Variants in RREB1 observed in about 807,000 individuals in gnomAD.
The protein encoded by RREB1 is ras responsive element binding protein 1, also known as ras-responsive element-binding protein 1.
RREB1 carries 27 observed loss-of-function variants against 117.8 expected under a neutral mutation model. That is an observed-to-expected ratio of 0.23 (90% CI 0.17 to 0.32). RREB1 has a LOEUF of 0.32. Among genes scored for constraint, RREB1 ranks in the 10% least tolerant of loss-of-function variants. The pLI, the probability that RREB1 is intolerant of heterozygous loss-of-function variation, is 1.00. For missense variants in RREB1, 2,577 were observed against 2,378.2 expected, an observed-to-expected ratio of 1.08 and a Z score of -1.74; for synonymous variants, 1,298 against 1,026.7, an observed-to-expected ratio of 1.26 and a Z score of -5.05.
intron 8 of RREB1, chr6:7,218,817 A>G (rs1446683367): frequency 7.3e-6 from 1 of 137,368 alleles, no homozygotes; most frequent in East Asian, 2.2e-4. Flanking sequence ...GAATTGTGCA[A>G]CTTTCTTTAA....
At chr6:7,189,420 T>C in intron 6 of RREB1, 98 bp downstream of exon 6, 1 of 1,139,772 alleles carries the variant, frequency 8.8e-7, no homozygotes, top group South Asian at 1.6e-5. Flanking sequence ...TGCCTAAAGG[T>C]ACAGAGAGTT....
intron 8 of RREB1, chr6:7,219,145 C>T (rs1213202298): frequency 7.1e-6 from 1 of 141,426 alleles, no homozygotes; most frequent in Non-Finnish European, 1.5e-5. Context: ...TGTCTCAGGC[C>T]TGTAATCCCA....
intron 1 of RREB1, among the ~76,000 whole-genome samples, chr6:7,167,023 T>G (rs1334877869): frequency 6.6e-6 from 1 of 152,196 alleles, no homozygotes; most frequent in African/African-American, 2.4e-5. Flanking sequence ...CCCAGAACAC[T>G]CCCATTTCTA....
At position 7,230,713 on chromosome 6, in the gene RREB1, AGGG is replaced by A. The variant is rs1767889064; in HGVS notation, c.2616_2618del (p.Arg872_Gly873delinsSer). ...GGAACCCCAGAACGGCTTTCTTCAC[AGGG>A]GCCCCACCCAGCCTCCACCTCCCCA... On this transcript the variant is annotated inframe_deletion, in exon 10 of 13. Coordinates refer to ENST00000379938, the MANE Select transcript of RREB1 (RefSeq NM_001003699.4). 6.3e-7 allele frequency: 1 copy of A among 1,595,924 alleles called. No homozygotes were observed. Among genetic ancestry groups the A allele is most frequent in the Admixed American group, 1.7e-5 (1 of 58,202 alleles).
Position 7,230,424 on chromosome 6 carries a change from C to G in RREB1, c.2325C>G (p.His775Gln). The change falls in exon 10 of 13, where the codon CAC becomes CAG. Residue 775 changes from histidine to glutamine, a missense_variant. His to Gln is a conservative substitution (Grantham distance 24). Coordinates refer to ENST00000379938, the MANE Select transcript of RREB1 (RefSeq NM_001003699.4). ...YRALRIHMRT[H>Q]CGRGLGGGHK... ...CCCTGCGCATCCACATGCGCACGCA[C>G]TGCGGCCGCGGCCTGGGCGGGGGCC... 3.1e-6 allele frequency: 5 copies of G among 1,591,106 alleles called. No homozygotes were observed. The highest frequency in any genetic ancestry group is 4.3e-6 in the Non-Finnish European group (5 of 1,174,602).
At chr6:7,142,840 T>G (rs1762676083) in intron 1 of RREB1, among the ~76,000 whole-genome samples, 1 of 152,204 alleles carries the variant, frequency 6.6e-6, no homozygotes, top group South Asian at 2.1e-4. Context: ...GTCGCTTTTC[T>G]CTTAATAGTG....
intron 1 of RREB1, among the ~76,000 whole-genome samples, chr6:7,124,454 T>C (rs1405240232): frequency 6.6e-6 from 1 of 152,188 alleles, no homozygotes; most frequent in Admixed American, 6.5e-5. Context: ...AGTCTCATGG[T>C]AGCTAGCATT....
chr6:7,210,672 C>G (rs1161682056), intron 6 of RREB1, 132 bp from the exon 7 acceptor site: 2 of 667,446 alleles, frequency 3.0e-6, no homozygotes, highest in African/African-American at 3.6e-5. Context: ...ATAGAAGTCA[C>G]TGTATAAATT....
rs79601563 is a variant in RREB1 at position 7,156,255 on chromosome 6, C to G, written c.-284-20400C>G. ...TTTTAAAGCTCCGTCCACTTCCTTT[C>G]CCTTCATCACTTTAAATGGTTTAAT... On this transcript the variant is annotated intron_variant, in intron 1 of 12. Coordinates refer to ENST00000379938, the MANE Select transcript of RREB1 (RefSeq NM_001003699.4). Among the ~76,000 whole-genome samples, 25 of 152,314 alleles carry G rather than the reference C, an allele frequency of 1.6e-4. No homozygotes were observed. The East Asian group carries it at 4.6e-3, about 28-fold the overall frequency.
chr6:7,231,336 C>G lies in RREB1; in HGVS notation c.3237C>G (p.Pro1079=). The G allele has an allele frequency of 6.2e-7, 1 of 1,611,798 alleles. No homozygotes were observed. The highest frequency in any genetic ancestry group is 8.5e-7 in the Non-Finnish European group (1 of 1,178,736). ...AQIISSVSSA[P]TLLKTKVADP... ...TCATCTCATCTGTATCCTCGGCCCC[C>G]ACCCTGCTGAAAACCAAGGTGGCGG... is the stretch of plus-strand genomic sequence containing the variant. The change falls in exon 10 of 13, where the codon CCC becomes CCG. Residue 1079 remains proline (P), a synonymous_variant. Transcript: ENST00000379938.
In RREB1 at chr6:7,248,798, A is replaced by C. The variant is rs574006924; in HGVS notation, c.5059A>C (p.Arg1687=). The C allele has an allele frequency of 1.9e-6, 3 of 1,613,924 alleles. No individual in the cohort carries two copies. In the Admixed American group the frequency reaches 5.0e-5, roughly 27 times the overall value. The change falls in exon 13 of 13, where the codon AGG becomes CGG. Residue 1687 remains arginine, a synonymous_variant. Transcript: ENST00000379938. ...LASATKDCSH[R]EEKVTAGWPS... ...CAGTGCCACCAAGGACTGCAGCCAC[A>C]GGGAGGAGAAGGTCACGGCAGGGTG...
intron 8 of RREB1, among the ~76,000 whole-genome samples, chr6:7,222,450 C>A (rs1282024441): frequency 6.6e-6 from 1 of 152,128 alleles, no homozygotes; most frequent in Non-Finnish European, 1.5e-5. Context: ...GTCTCTGGTC[C>A]CTGAGCCCAC....
intron 8 of RREB1, among the ~76,000 whole-genome samples, chr6:7,221,875 CACGTTAGCTAAA>C (rs1052494537): frequency 1.3e-5 from 2 of 152,212 alleles, no homozygotes; most frequent in Admixed American, 6.5e-5. Context: ...CCTGATTTTT[CACGTTAGCTAAA>C]ACGTGCCAGG....
At position 7,224,975 on chromosome 6, in the gene RREB1, G is replaced by A. The variant is rs116023562; in HGVS notation, c.708-1492G>A. 3.5e-3 allele frequency among the ~76,000 whole-genome samples: 533 copies of A among 152,216 alleles called. 1 individual carries two copies. Among genetic ancestry groups the A allele is most frequent in the Middle Eastern group, 0.017 (5 of 294 alleles). ...GGGGAGGAGCATGCACAGCAGGACC[G>A]GGTTCTGCTGTGCCCGCTACAGCGC... On this transcript the variant is annotated intron_variant, in intron 8 of 12. Transcript: ENST00000379938.
chr6:7,235,092 G>A (rs529404581), intron 10 of RREB1, among the ~76,000 whole-genome samples: 4 of 152,230 alleles, frequency 2.6e-5, no homozygotes, highest in Non-Finnish European at 4.4e-5. Context: ...CTGTATGAAG[G>A]TTGGTGCCCA....
intron 11 of RREB1, among the ~76,000 whole-genome samples, chr6:7,244,793 T>C (rs9505093): frequency 6.6e-6 from 1 of 152,134 alleles, no homozygotes; most frequent in Admixed American, 6.5e-5. Flanking sequence ...CCCAAGCAGG[T>C]GTGAACAGTA....
chr6:7,211,664 A>G lies in RREB1; in HGVS notation c.662A>G (p.Tyr221Cys), dbSNP rs1312110010. The change falls in exon 8 of 13, where the codon TAT becomes TGT. Residue 221 changes from tyrosine (Y) to cysteine (C), a missense_variant. Transcript: ENST00000379938. The stretch of plus-strand genomic sequence containing the variant: ...TGTTTCAAGGAGTTTGTTTGCAAGT[A>G]TGGACTGGAGACCCACATGGAGACC... Reference protein sequence around the residue: ...PVCFKEFVCKYGLETHMETHS... With the variant: ...PVCFKEFVCKCGLETHMETHS... 6.2e-7 allele frequency: 1 copy of G among 1,614,114 alleles called. No homozygotes were observed. The highest frequency in any genetic ancestry group is 1.1e-5 in the South Asian group (1 of 91,082).
intron 8 of RREB1, among the ~76,000 whole-genome samples, chr6:7,225,179 C>T (rs1341556008): frequency 1.3e-5 from 2 of 152,166 alleles, no homozygotes; most frequent in Admixed American, 1.3e-4. Flanking sequence ...CTTTGCCTGG[C>T]TAAAACAGTG....
intron 1 of RREB1, among the ~76,000 whole-genome samples, chr6:7,125,943 A>G (rs150805686): frequency 5.2e-4 from 79 of 152,262 alleles, no homozygotes; most frequent in Middle Eastern, 6.8e-3. Context: ...TAAGTACTTC[A>G]AGGTCTGTTT....
Sources: gnomAD v4.1 joint callset for allele counts (sites outside exome capture counted in the v4.1 genomes callset) on GRCh38, gnomAD v4.1.1 for gene constraint, MANE v1.5 for transcripts, NCBI Gene and HGNC (gene_info 2026-07-23, HGNC 2026-07-21) for gene names.